Variants in HNF1A observed in about 807,000 individuals in gnomAD.
HNF1A encodes the protein hepatocyte nuclear factor 1-alpha.
HNF1A carries 21 observed loss-of-function variants against 62.2 expected under a neutral mutation model. The ratio of observed to expected loss-of-function variants is 0.34; its 90% confidence interval spans 0.24 to 0.49. HNF1A has a LOEUF of 0.49. HNF1A is among the 20% of genes least tolerant of loss of function. The probability of loss-of-function intolerance (pLI) is 0.99; values close to 1 mark genes in which losing one functional copy is unlikely to be tolerated. For synonymous variants in HNF1A, 374 were observed against 366.8 expected (o/e 1.02, Z -0.22); for missense variants, 687 against 832.3 (o/e 0.83, Z 2.15).
At chr12:121,000,886 C>T in intron 9 of HNF1A, 179 bp from the exon 10 acceptor site, 1 of 801,940 alleles carries the variant, frequency 1.2e-6, no homozygotes, top group South Asian at 1.6e-5. Context: ...GCCGTGGACC[C>T]TGGCTGGGAG....
At chr12:120,995,204 A>G (rs1207639421) in intron 4 of HNF1A, among the ~76,000 whole-genome samples, 2 of 144,102 alleles carry the variant, frequency 1.4e-5, no homozygotes, top group Non-Finnish European at 3.0e-5. Context: ...ACTACATTCA[A>G]CTCTACTCCA....
chr12:120,986,646 C>T (rs1019969098), intron 1 of HNF1A, among the ~76,000 whole-genome samples: 1 of 152,256 alleles, frequency 6.6e-6, no homozygotes, highest in African/African-American at 2.4e-5. Context: ...GTGGCGCGAT[C>T]TCGGCTCACT....
intron 1 of HNF1A, among the ~76,000 whole-genome samples, chr12:120,987,229 C>G (rs924366134): frequency 6.6e-6 from 1 of 152,034 alleles, no homozygotes; most frequent in African/African-American, 2.4e-5. Context: ...AATCCCAGCA[C>G]TTTGGGAGGC....
intron 7 of HNF1A, among the ~76,000 whole-genome samples, chr12:120,998,702 G>A (rs1877247526): frequency 6.6e-6 from 1 of 152,158 alleles, no homozygotes; most frequent in Non-Finnish European, 1.5e-5. Flanking sequence ...TGAGGGGTGG[G>A]TGGAGGTGCT....
chr12:120,991,130 A>G (rs966514143), intron 2 of HNF1A, among the ~76,000 whole-genome samples: 1 of 152,198 alleles, frequency 6.6e-6, no homozygotes, highest in East Asian at 1.9e-4. Flanking sequence ...CCTTCTTTAT[A>G]TAAGTGCATG....
At chr12:120,981,420 C>T (rs1876245008) in intron 1 of HNF1A, among the ~76,000 whole-genome samples, 1 of 152,210 alleles carries the variant, frequency 6.6e-6, no homozygotes, top group African/African-American at 2.4e-5. Flanking sequence ...CTCCTTCTGC[C>T]TCAGTTTCCC....
chr12:120,989,189 GC>G (rs1384627636), intron 2 of HNF1A, among the ~76,000 whole-genome samples, 157 bp downstream of exon 2: 2 of 152,186 alleles, frequency 1.3e-5, no homozygotes, highest in African/African-American at 4.8e-5. Context: ...CCTATTCTGC[GC>G]CAGGCACTCT....
At position 120,999,136 on chromosome 12, in the gene HNF1A, C is replaced by T. The variant is rs887607478; in HGVS notation, c.1502-132C>T. The T allele has an allele frequency of 4.6e-6, 5 of 1,093,188 alleles. No homozygotes were observed. The African/African-American group carries it at 4.6e-5, about 10-fold the overall frequency. The allele number at this position is 1,093,188 out of a possible 1,614,324, so 67.7% of individuals were successfully genotyped here. On this transcript the variant is annotated intron_variant, in intron 7 of 9. Transcript: ENST00000257555. ...TGGAGCCTCCAGTTTTGAAAATCAG[C>T]CCTGGATCTCCAACTGCTGCCCAGT... is the stretch of plus-strand genomic sequence containing the variant.
rs538419966 is a variant in HNF1A, at chr12:121,002,017, G to A, written c.*825G>A. Reference sequence around the variant, plus strand: ...TACTCCTGTGGGAGCCTCGCAACCCGTGCCAAGTCCAGGTCCTGGTGGGGC... The same window carrying A: ...TACTCCTGTGGGAGCCTCGCAACCCATGCCAAGTCCAGGTCCTGGTGGGGC... On this transcript the variant is annotated 3_prime_UTR_variant, in exon 10 of 10. Coordinates refer to ENST00000257555, the MANE Select transcript of HNF1A (RefSeq NM_000545.8). 1.9e-5 allele frequency: 10 copies of A among 536,676 alleles called. No homozygotes were observed. Among genetic ancestry groups the A allele is most frequent in the Middle Eastern group, 2.8e-4 (1 of 3,564 alleles). The allele number at this position is 536,676 out of a possible 1,614,324, so 33.2% of individuals were successfully genotyped here. A position where few individuals can be genotyped will look rare whatever the true frequency, so the allele number is the denominator to read the frequency against.
rs376180997 is a variant in HNF1A at position 120,991,308 on chromosome 12, T to C, written c.527-2212T>C. On this transcript the variant is annotated intron_variant, in intron 2 of 9. Coordinates refer to ENST00000257555, the MANE Select transcript of HNF1A (RefSeq NM_000545.8). ...AATCACTGTTGAAAAAAAAAATGTA[T>C]GCAGGCCGGGCGCAGTGGCTCATGC... 5.9e-5 allele frequency among the ~76,000 whole-genome samples: 9 copies of C among 152,156 alleles called. No individual in the cohort carries two copies. The South Asian group carries it at 8.3e-4, about 14-fold the overall frequency.
Position 121,001,960 on chromosome 12 carries a change from G to A in HNF1A, c.*768G>A, listed in dbSNP as rs1005604612. Reference sequence around the variant, plus strand: ...CCAGCCTGGCCTCCTGCCTCTACTGGGAAGGCTACTTCGGGGCTGGGAAGT... The same window carrying A: ...CCAGCCTGGCCTCCTGCCTCTACTGAGAAGGCTACTTCGGGGCTGGGAAGT... On this transcript the variant is annotated 3_prime_UTR_variant, in exon 10 of 10. Coordinates refer to ENST00000257555, the MANE Select transcript of HNF1A (RefSeq NM_000545.8). 3.8e-6 allele frequency: 2 copies of A among 532,418 alleles called. No homozygotes were observed. Among genetic ancestry groups the A allele is most frequent in the African/African-American group, 1.9e-5 (1 of 53,872 alleles). The allele number at this position is 532,418 out of a possible 1,614,324, so 33.0% of individuals were successfully genotyped here. A position where few individuals can be genotyped will look rare whatever the true frequency, so the allele number is the denominator to read the frequency against.
At position 120,993,570 on chromosome 12, in the gene HNF1A, G is replaced by A. The variant is rs766410121; in HGVS notation, c.577G>A (p.Glu193Lys). Residue 193 changes from glutamate to lysine, a missense_variant, in exon 3 of 10, where the codon GAG (glutamate) becomes AAG (lysine). Transcript: ENST00000257555. ...GCTGATTGAAGAGCCCACAGGTGAT[G>A]AGCTACCAACCAAGAAGGGGCGGAG... Reference protein sequence around the residue: ...GGLIEEPTGDELPTKKGRRNR... With the variant: ...GGLIEEPTGDKLPTKKGRRNR... 6 of 1,614,196 alleles carry A rather than the reference G, an allele frequency of 3.7e-6. No homozygotes were observed. In the Admixed American group the frequency reaches 1.0e-4, roughly 27 times the overall value.
rs372624970 is a variant in HNF1A at position 120,999,376 on chromosome 12, C to G, written c.1610C>G (p.Thr537Arg). The change falls in exon 8 of 10, where the codon ACG (threonine) becomes AGG (arginine). Residue 537 changes from threonine to arginine, a missense_variant. By Grantham distance (71) the Thr-to-Arg change is moderately conservative. This residue lies in a region of HNF1A where 408 missense variants were observed against 455.3 expected (regional missense o/e 0.90). Transcript: ENST00000257555. ...TTNLSALASL[T>R]PTKQVFTSDT... is the part of the protein sequence containing the mutation. ...AACCTGAGCGCCCTGGCCAGCCTCA[C>G]GCCCACCAAGCAGGTAAGGTCCAGG... is the stretch of plus-strand genomic sequence containing the variant. The G allele has an allele frequency of 1.2e-6, 2 of 1,614,060 alleles. No individual in the cohort carries two copies. The highest frequency in any genetic ancestry group is 1.7e-6 in the Non-Finnish European group (2 of 1,180,034).
At chr12:120,997,239 A>G (rs376700748) in intron 6 of HNF1A, 1 of 1,427,362 alleles carries the variant, frequency 7.0e-7, no homozygotes. Context: ...TGAACAAGTC[A>G]CCGCCTGCCT....
chr12:120,992,534 A>G (rs1172586927), intron 2 of HNF1A, among the ~76,000 whole-genome samples: 1 of 152,234 alleles, frequency 6.6e-6, no homozygotes, highest in Admixed American at 6.5e-5. Context: ...TATAACAGAA[A>G]CTTTTAAATG....
intron 2 of HNF1A, among the ~76,000 whole-genome samples, chr12:120,992,440 C>T (rs1432643705): frequency 6.6e-6 from 1 of 152,086 alleles, no homozygotes; most frequent in East Asian, 1.9e-4. Flanking sequence ...GTTGCCCAGG[C>T]TAGTTTTGAA....
rs41279096 is a variant in HNF1A, at chr12:121,002,460, G to A, written c.*1268G>A. On this transcript the variant is annotated 3_prime_UTR_variant, in exon 10 of 10. Coordinates refer to ENST00000257555, the MANE Select transcript of HNF1A (RefSeq NM_000545.8). Reference sequence around the variant, plus strand: ...CCTGCAGCTTGTAGCCAGCCGGGGCGAGTGGCACGTTTATTTAACTTTTAG... The same window carrying A: ...CCTGCAGCTTGTAGCCAGCCGGGGCAAGTGGCACGTTTATTTAACTTTTAG... 60,475 of 527,290 alleles carry A rather than the reference G, an allele frequency of 0.11. 4,972 individuals carry two copies. Among genetic ancestry groups the A allele is most frequent in the Admixed American group, 0.31 (13,776 of 44,562 alleles). The allele number at this position is 527,290 out of a possible 1,614,324, so 32.7% of individuals were successfully genotyped here.
chr12:120,997,028 G>T (rs1278260125), intron 6 of HNF1A: 1 of 1,475,410 alleles, frequency 6.8e-7, no homozygotes, highest in East Asian at 2.7e-5. Flanking sequence ...GCAGGGTAAG[G>T]GGGACTGATG....
Position 120,996,565 on chromosome 12 carries a change from C to G in HNF1A, c.1132C>G (p.Pro378Ala), listed in dbSNP as rs1250654676. 3 of 1,613,908 alleles carry G rather than the reference C, an allele frequency of 1.9e-6. No homozygotes were observed. The highest frequency in any genetic ancestry group is 2.5e-6 in the Non-Finnish European group (3 of 1,179,974). ...KLVSAAGGPL[P>A]PVSTLTALHS... ...GGTCTCAGCAGCTGGGGGCCCCCTCCCCCCTGTCAGCACCCTGACAGCACT... is the reference window on the plus strand; with the variant it reads ...GGTCTCAGCAGCTGGGGGCCCCCTCGCCCCTGTCAGCACCCTGACAGCACT... The change falls in exon 6 of 10, where the codon CCC becomes GCC. Residue 378 changes from proline to alanine, a missense_variant. Transcript: ENST00000257555. This position sits in a 1 kb window ranked among gnomAD's most constrained non-coding sequence, Gnocchi z 4.5.
Sources: allele counts gnomAD v4.1 joint callset (sites outside exome capture counted in the v4.1 genomes callset), GRCh38; gene constraint gnomAD v4.1.1; regional missense constraint gnomAD v4.1.1; non-coding constraint Gnocchi (gnomAD v3.1); transcripts MANE v1.5; gene names NCBI Gene and HGNC (gene_info 2026-07-23, HGNC 2026-07-21).